Variants in SPPL3 observed in about 807,000 individuals in gnomAD.
SPPL3 encodes the protein signal peptide peptidase like 3, also known as signal peptide peptidase-like 3.
SPPL3 carries 5 observed loss-of-function variants against 42.4 expected under a neutral mutation model. The ratio of observed to expected loss-of-function variants is 0.12; its 90% CI spans 0.06 to 0.25. The LOEUF is 0.25. SPPL3 is among the 10% of genes least tolerant of loss of function. The probability of loss-of-function intolerance (pLI) is 1.00; values close to 1 mark genes in which losing one functional copy is unlikely to be tolerated. For synonymous variants in SPPL3, 195 were observed against 181.8 expected (o/e 1.07, Z -0.58); for missense variants, 235 against 489.0 (o/e 0.48, Z 4.90).
In SPPL3 at chr12:120,764,879, C is replaced by A; in HGVS notation, c.*120G>T. 9.5e-7 allele frequency: 1 copy of A among 1,048,822 alleles called. No individual in the cohort carries two copies. Among genetic ancestry groups the A allele is most frequent in the Non-Finnish European group, 1.3e-6 (1 of 743,526 alleles). The allele number at this position is 1,048,822 out of a possible 1,614,324, so 65.0% of individuals were successfully genotyped here. A position where few individuals can be genotyped will look rare whatever the true frequency, so the allele number is the denominator to read the frequency against. On this transcript the variant is annotated 3_prime_UTR_variant, in exon 11 of 11. Transcript: ENST00000353487. Reference sequence around the variant, plus strand: ...TCCCTTTAAATGCCAAATCCAGTCACACGGCAGTTCCTTAAACACAGGTAC... The same window carrying A: ...TCCCTTTAAATGCCAAATCCAGTCAAACGGCAGTTCCTTAAACACAGGTAC...
At chr12:120,850,193 G>C (rs1404166364) in intron 1 of SPPL3, among the ~76,000 whole-genome samples, 1 of 152,146 alleles carries the variant, frequency 6.6e-6, no homozygotes, top group Non-Finnish European at 1.5e-5. Flanking sequence ...AGGGAACTCA[G>C]TTCCAAAAAC....
At chr12:120,798,224 G>T (rs552882684) in intron 2 of SPPL3, among the ~76,000 whole-genome samples, 56 of 152,024 alleles carry the variant, frequency 3.7e-4, no homozygotes, top group Middle Eastern at 6.8e-3. Flanking sequence ...TTTCCTGGGG[G>T]TTTTTTTATT....
intron 1 of SPPL3, among the ~76,000 whole-genome samples, chr12:120,901,685 C>G (rs772676169): frequency 6.6e-6 from 1 of 151,226 alleles, no homozygotes; most frequent in African/African-American, 2.4e-5. Flanking sequence ...TTTTCTTCAT[C>G]TCAAAACCTG....
At chr12:120,895,071 C>T (rs147571734) in intron 1 of SPPL3, among the ~76,000 whole-genome samples, 117 of 152,312 alleles carry the variant, frequency 7.7e-4, no homozygotes, top group African/African-American at 2.7e-3. Flanking sequence ...ATCCACTCTA[C>T]TGTTCTTTCT....
rs1362902292 is a variant in SPPL3 at position 120,855,096 on chromosome 12, A to G, written c.24-44210T>C. Among the ~76,000 whole-genome samples the G allele has an allele frequency of 3.3e-5, 5 of 152,060 alleles. No homozygotes were observed. The East Asian group carries it at 9.7e-4, about 29-fold the overall frequency. On this transcript the variant is annotated intron_variant, in intron 1 of 10. Coordinates refer to ENST00000353487, the MANE Select transcript of SPPL3 (RefSeq NM_139015.5). ...GAGGGAACTCATTATCCCTCCAGCC[A>G]CCGTTTCTTCTCCTTGTATGGATGG...
In SPPL3 at chr12:120,763,807, C is replaced by CTTTT. The variant is rs1868760767; in HGVS notation, c.*1191_*1192insAAAA. 3 of 58,112 alleles carry CTTTT rather than the reference C, an allele frequency of 5.2e-5. No individual in the cohort carries two copies. The South Asian group carries it at 3.5e-3, about 67-fold the overall frequency. 3.6% of individuals were successfully genotyped at this position (58,112 alleles called of 1,614,324 possible). A position where few individuals can be genotyped will look rare whatever the true frequency, so the allele number is the denominator to read the frequency against. On this transcript the variant is annotated 3_prime_UTR_variant, in exon 11 of 11. Coordinates refer to ENST00000353487, the MANE Select transcript of SPPL3 (RefSeq NM_139015.5). ...AAGGACAGGATTGTGTTGCTTTTTT[C>CTTTT]CTTTTTTTTTTTCTTAAAGGAGTGA...
intron 2 of SPPL3, among the ~76,000 whole-genome samples, chr12:120,808,369 C>G (rs992401014): frequency 1.3e-5 from 2 of 152,154 alleles, no homozygotes; most frequent in East Asian, 1.9e-4. Flanking sequence ...AGGGACCATG[C>G]CTGGCCAGTT....
chr12:120,887,788 A>C (rs1331281995), intron 1 of SPPL3, among the ~76,000 whole-genome samples: 1 of 152,190 alleles, frequency 6.6e-6, no homozygotes, highest in Non-Finnish European at 1.5e-5. Flanking sequence ...AAATATAAAC[A>C]CTACACAAAT....
At chr12:120,881,211 G>A (rs149088358) in intron 1 of SPPL3, among the ~76,000 whole-genome samples, 1,530 of 151,976 alleles carry the variant, frequency 0.01, 49 homozygotes, top group African/African-American at 0.035. Context: ...GCTCCCGCCT[G>A]TAATCCCAGC....
At chr12:120,789,981 G>A (rs1297063693) in intron 3 of SPPL3, among the ~76,000 whole-genome samples, 1 of 152,036 alleles carries the variant, frequency 6.6e-6, no homozygotes, top group Admixed American at 6.5e-5. Flanking sequence ...GTGATGCAAT[G>A]TACAGCAGAT....
At chr12:120,807,374 C>T (rs896809632) in intron 2 of SPPL3, among the ~76,000 whole-genome samples, 1 of 151,960 alleles carries the variant, frequency 6.6e-6, no homozygotes, top group Non-Finnish European at 1.5e-5. Context: ...TAGCCCCTAA[C>T]AATTACAAAG....
intron 1 of SPPL3, among the ~76,000 whole-genome samples, chr12:120,868,399 G>C (rs1355048237): frequency 1.3e-5 from 2 of 152,310 alleles, no homozygotes; most frequent in East Asian, 3.9e-4. Flanking sequence ...GTAGTCCACG[G>C]ACCACCAGTA....
chr12:120,809,539 T>C (rs1364455290), intron 2 of SPPL3, among the ~76,000 whole-genome samples: 1 of 152,038 alleles, frequency 6.6e-6, no homozygotes, highest in Non-Finnish European at 1.5e-5. Flanking sequence ...TATTACTTCC[T>C]TTCAAGTTCT....
intron 1 of SPPL3, among the ~76,000 whole-genome samples, chr12:120,900,479 C>CA (rs1873940294): frequency 6.6e-6 from 1 of 151,726 alleles, no homozygotes; most frequent in Admixed American, 6.6e-5. Flanking sequence ...GTGGGGCACA[C>CA]CTGTAGTTCC....
At position 120,768,935 on chromosome 12, in the gene SPPL3, A is replaced by T; in HGVS notation, c.609+18T>A. 6.3e-7 allele frequency: 1 copy of T among 1,587,776 alleles called. No homozygotes were observed. The highest frequency in any genetic ancestry group is 8.6e-7 in the Non-Finnish European group (1 of 1,165,208). On this transcript the variant is annotated intron_variant, in intron 7 of 10. Coordinates refer to ENST00000353487, the MANE Select transcript of SPPL3 (RefSeq NM_139015.5). ...CAACACAAAGAAGGGGAGGAGCTCC[A>T]AGGACATAAACGCTTACCCAAAAGA...
chr12:120,771,552 T>TTCC (rs2136969094), intron 6 of SPPL3, among the ~76,000 whole-genome samples: 1 of 958 alleles, frequency 1.0e-3, no homozygotes, highest in East Asian at 7.4e-3. Flanking sequence ...TATACATAAT[T>TTCC]TCTTCTTTTT....
intron 5 of SPPL3, 31 bp downstream of exon 5, chr12:120,783,643 A>G (rs372877230): frequency 1.9e-6 from 3 of 1,558,140 alleles, no homozygotes; most frequent in Non-Finnish European, 2.6e-6. Flanking sequence ...ATACAAGTTT[A>G]TAATTTAAGA....
At chr12:120,848,346 C>T (rs761531949) in intron 1 of SPPL3, among the ~76,000 whole-genome samples, 4 of 152,174 alleles carry the variant, frequency 2.6e-5, no homozygotes, top group Non-Finnish European at 4.4e-5. Flanking sequence ...CTGAGGACTA[C>T]AGGGACACCA....
intron 2 of SPPL3, 181 bp from the exon 3 acceptor site, chr12:120,791,738 T>G: frequency 3.8e-6 from 2 of 530,718 alleles, no homozygotes; most frequent in Non-Finnish European, 6.6e-6. Flanking sequence ...ATGTGTCAGT[T>G]CAAGAGTTTT....
Sources: gnomAD v4.1 joint callset for allele counts (sites outside exome capture counted in the v4.1 genomes callset) on GRCh38, gnomAD v4.1.1 for gene constraint, MANE v1.5 for transcripts, NCBI Gene and HGNC (gene_info 2026-07-23, HGNC 2026-07-21) for gene names.